WDR12: variants seen among roughly 807,000 people sequenced by gnomAD.
WDR12 encodes the protein WD repeat domain 12, also known as ribosome biogenesis protein WDR12.
A neutral mutation model predicts 64.3 loss-of-function variants in WDR12; 42 were observed. The observed-to-expected ratio is 0.65, with a 90% confidence interval of 0.51 to 0.84. The LOEUF is 0.84. WDR12 is among the 40% of genes least tolerant of loss of function. The pLI is 0.00. For synonymous variants in WDR12, 158 were observed against 173.3 expected (o/e 0.91, Z 0.70); for missense variants, 469 against 494.6 (o/e 0.95, Z 0.49).
intron 1 of WDR12, among the ~76,000 whole-genome samples, chr2:202,909,332 T>C (rs1045123937): frequency 3.3e-5 from 5 of 152,236 alleles, no homozygotes; most frequent in African/African-American, 1.2e-4. Context: ...CTCCATTCAA[T>C]GGCCTATTAT....
intron 2 of WDR12, among the ~76,000 whole-genome samples, chr2:202,904,456 A>G (rs1688418613): frequency 6.6e-6 from 1 of 152,218 alleles, no homozygotes; most frequent in East Asian, 1.9e-4. Flanking sequence ...ACAGAGCTAT[A>G]GTAACCAAAA....
chr2:202,904,138 C>CAAAAAAAAAA (rs34378996), intron 2 of WDR12, among the ~76,000 whole-genome samples: 139 of 38,566 alleles, frequency 3.6e-3, no homozygotes, highest in East Asian at 4.2e-3. Flanking sequence ...AACTCTGTCT[C>CAAAAAAAAAA]AAAAAAAAAA....
At position 202,911,485 on chromosome 2, in the gene WDR12, G is replaced by A; in HGVS notation, c.-9C>T. The A allele has an allele frequency of 6.2e-7, 1 of 1,614,084 alleles. No homozygotes were observed. Among genetic ancestry groups the A allele is most frequent in the Non-Finnish European group, 8.5e-7 (1 of 1,179,976 alleles). On this transcript the variant is annotated 5_prime_UTR_variant, in exon 1 of 13. Transcript: ENST00000261015. ...GTTTGGAGCTGAGCCATGGCGAGGA[G>A]TACACACGACTTGCCCACGGAAACG...
intron 2 of WDR12, among the ~76,000 whole-genome samples, chr2:202,902,775 T>G (rs1467977224): frequency 1.3e-5 from 2 of 152,182 alleles, no homozygotes; most frequent in Non-Finnish European, 2.9e-5. Flanking sequence ...GGACTTCATC[T>G]TGTGATCGTG....
At chr2:202,908,816 C>T (rs541431325) in intron 1 of WDR12, among the ~76,000 whole-genome samples, 87 of 152,266 alleles carry the variant, frequency 5.7e-4, no homozygotes, top group African/African-American at 1.9e-3. Flanking sequence ...ATAAGAGAGA[C>T]TGTGAGAAAA....
chr2:202,885,374 G>A (rs1264577613), intron 8 of WDR12, among the ~76,000 whole-genome samples: 3 of 152,136 alleles, frequency 2.0e-5, no homozygotes, highest in Non-Finnish European at 4.4e-5. Context: ...AGGATGCGGT[G>A]GGTGAAAGTA....
rs1297612002 is a variant in WDR12 at position 202,874,271 on chromosome 2, C to T, written c.*6589G>A. ...ACACCTTTAAAGTACTTTTAAATTT[C>T]ATTTAGAAGTACATTTACTGAACTG... is the stretch of plus-strand genomic sequence containing the variant. On this transcript the variant is annotated 3_prime_UTR_variant, in exon 13 of 13. Transcript: ENST00000261015. Among the ~76,000 whole-genome samples the T allele has an allele frequency of 6.6e-6, 1 of 152,142 alleles. No individual in the cohort carries two copies. The highest frequency in any genetic ancestry group is 1.5e-5 in the Non-Finnish European group (1 of 68,032).
At position 202,907,860 on chromosome 2, in the gene WDR12, C is replaced by T; in HGVS notation, c.136+5G>A. 6.2e-7 allele frequency: 1 copy of T among 1,608,486 alleles called. No individual in the cohort carries two copies. The highest frequency in any genetic ancestry group is 8.5e-7 in the Non-Finnish European group (1 of 1,175,226). On this transcript the variant is annotated splice_donor_5th_base_variant and intron_variant, in intron 2 of 12. Transcript: ENST00000261015. ...CTGTGCCCTCTCCTAAGCATATATA[C>T]CCACCATTTTTGTCCTTTAGTAGTT... is the stretch of plus-strand genomic sequence containing the variant.
At chr2:202,895,993 G>A in intron 6 of WDR12, 72 bp downstream of exon 6, 1 of 1,536,252 alleles carries the variant, frequency 6.5e-7, no homozygotes, top group South Asian at 1.2e-5. Flanking sequence ...ATGAATATAT[G>A]CAGAAGAAAA....
chr2:202,909,640 G>A (rs975368872), intron 1 of WDR12, among the ~76,000 whole-genome samples: 1 of 152,026 alleles, frequency 6.6e-6, no homozygotes. Flanking sequence ...ACCACACTTT[G>A]AGCAATAAGG....
intron 8 of WDR12, among the ~76,000 whole-genome samples, chr2:202,886,441 CAGTG>C (rs1370709928): frequency 6.7e-6 from 1 of 149,676 alleles, no homozygotes; most frequent in African/African-American, 2.5e-5. Flanking sequence ...CTGGGCAACA[CAGTG>C]AGAGTCTGTC....
At chr2:202,905,851 GGA>G (rs1416547630) in intron 2 of WDR12, among the ~76,000 whole-genome samples, 1 of 152,204 alleles carries the variant, frequency 6.6e-6, no homozygotes, top group African/African-American at 2.4e-5. Flanking sequence ...CAGAGTAGAA[GGA>G]GAGTTACCAG....
chr2:202,887,237 C>T (rs1688063839), intron 8 of WDR12, among the ~76,000 whole-genome samples: 1 of 152,154 alleles, frequency 6.6e-6, no homozygotes, highest in African/African-American at 2.4e-5. Flanking sequence ...GTTGGTCAGG[C>T]TGGTCTTCAC....
chr2:202,887,197 G>C (rs190620101), intron 8 of WDR12, among the ~76,000 whole-genome samples: 1 of 151,950 alleles, frequency 6.6e-6, no homozygotes, highest in African/African-American at 2.4e-5. Flanking sequence ...CTAACTTTTC[G>C]CATTTTTAGT....
chr2:202,898,081 C>T (rs564154733), intron 4 of WDR12, among the ~76,000 whole-genome samples: 21 of 150,660 alleles, frequency 1.4e-4, no homozygotes, highest in African/African-American at 3.9e-4. Context: ...CCACCCCCAC[C>T]CAAAAAAAAT....
intron 11 of WDR12, 175 bp from the exon 12 acceptor site, chr2:202,882,958 G>A: frequency 7.6e-6 from 4 of 525,602 alleles, no homozygotes; most frequent in South Asian, 2.7e-5. Context: ...CTGTATCATT[G>A]GTAGACCACA....
intron 11 of WDR12, 192 bp downstream of exon 11, chr2:202,883,417 T>G: frequency 1.9e-6 from 1 of 526,416 alleles, no homozygotes; most frequent in Non-Finnish European, 3.3e-6. Context: ...ATTACAGGTG[T>G]GAGCCACTGT....
At position 202,894,591 on chromosome 2, in the gene WDR12, G is replaced by T; in HGVS notation, c.645C>A (p.Ile215=). 6.2e-7 allele frequency: 1 copy of T among 1,605,840 alleles called. No homozygotes were observed. Among genetic ancestry groups the T allele is most frequent in the South Asian group, 1.1e-5 (1 of 89,404 alleles). ...AAATATTTAATTTACCTGTAGACCA[G>T]ATCTTTAGCATCTTATCCCAGGAGC... ...CSGSWDKMLK[I]WSTVPTDEED... Residue 215 remains isoleucine (I), a synonymous_variant, in exon 7 of 13, where the codon ATC becomes ATA. Transcript: ENST00000261015.
chr2:202,895,721 G>C (rs1415717608), intron 6 of WDR12, among the ~76,000 whole-genome samples: 2 of 148,430 alleles, frequency 1.3e-5, no homozygotes, highest in African/African-American at 5.0e-5. Context: ...GTAGAGACAG[G>C]GTTTCTCCAT....
Sources: allele counts gnomAD v4.1 joint callset (sites outside exome capture counted in the v4.1 genomes callset), GRCh38; gene constraint gnomAD v4.1.1; transcripts MANE v1.5; gene names NCBI Gene and HGNC (gene_info 2026-07-23, HGNC 2026-07-21).